The following PLPPR1 variants were observed in gnomAD, a reference collection of about 807,000 sequenced individuals.
The protein encoded by PLPPR1 is phospholipid phosphatase-related protein type 1.
In PLPPR1, 10 loss-of-function variants were observed where a neutral mutation model predicts 33.1. The observed-to-expected ratio is 0.30, with a 90% CI of 0.19 to 0.51. The LOEUF (loss-of-function observed/expected upper bound fraction) is 0.51, where lower values mean the gene tolerates loss of function less well. PLPPR1 is among the 20% of genes least tolerant of loss of function. PLPPR1 has a pLI of 0.97. For missense variants in PLPPR1, 304 were observed against 408.1 expected, an observed-to-expected ratio of 0.74 and a Z score of 2.20; for synonymous variants, 151 against 151.0, an observed-to-expected ratio of 1.00 and a Z score of 0.00.
At chr9:101,165,403 G>A (rs1180069964) in intron 1 of PLPPR1, among the ~76,000 whole-genome samples, 1 of 152,164 alleles carries the variant, frequency 6.6e-6, no homozygotes, top group Non-Finnish European at 1.5e-5. Flanking sequence ...AAGGCTTCAT[G>A]GCAGGGGTAG....
chr9:101,116,038 C>G (rs1450809207), intron 1 of PLPPR1, among the ~76,000 whole-genome samples: 2 of 152,194 alleles, frequency 1.3e-5, no homozygotes, highest in African/African-American at 4.8e-5. Context: ...TCAAGATTCT[C>G]TAGGAATTAA....
intron 2 of PLPPR1, among the ~76,000 whole-genome samples, chr9:101,264,275 C>T (rs1376596789): frequency 6.6e-6 from 1 of 152,164 alleles, no homozygotes; most frequent in Non-Finnish European, 1.5e-5. Context: ...TGATGTCATA[C>T]TCCCTCTGCC....
intron 1 of PLPPR1, among the ~76,000 whole-genome samples, chr9:101,164,221 G>A (rs926895214): frequency 2.0e-5 from 3 of 152,196 alleles, no homozygotes; most frequent in East Asian, 3.8e-4. Flanking sequence ...CTTATCAGCT[G>A]TGTGAACCTG....
chr9:101,324,388 A>T lies in PLPPR1; in HGVS notation c.*331A>T. ...ATTTTCTTTTCTCAGTTTTATAAAC[A>T]CAGAATATAACAATTCACTTTAAAC... On this transcript the variant is annotated 3_prime_UTR_variant, in exon 8 of 8. Transcript: ENST00000374874. 5.0e-6 allele frequency: 1 copy of T among 198,112 alleles called. No homozygotes were observed. Among genetic ancestry groups the T allele is most frequent in the Non-Finnish European group, 9.1e-6 (1 of 110,280 alleles). The allele number at this position is 198,112 out of a possible 1,614,324, so 12.3% of individuals were successfully genotyped here.
In PLPPR1 at chr9:101,228,044, G is replaced by A. The variant is rs553141190; in HGVS notation, c.64-41836G>A. On this transcript the variant is annotated intron_variant, in intron 2 of 7. Coordinates refer to ENST00000374874, the MANE Select transcript of PLPPR1 (RefSeq NM_207299.2). ...TCCACCCACCTTGGCCTCCCAAAGT[G>A]CTGGGATTACAGACACAAACCACTG... 6.4e-4 allele frequency among the ~76,000 whole-genome samples: 98 copies of A among 152,288 alleles called. 1 individual carries two copies. Among genetic ancestry groups the A allele is most frequent in the African/African-American group, 2.2e-3 (92 of 41,562 alleles).
rs559208028 is a variant in PLPPR1, at chr9:101,034,071, T to C, written c.-46+4969T>C. Among the ~76,000 whole-genome samples, 208 of 151,688 alleles carry C rather than the reference T, an allele frequency of 1.4e-3. 1 individual carries two copies. Among genetic ancestry groups the C allele is most frequent in the Middle Eastern group, 0.01 (3 of 288 alleles). On this transcript the variant is annotated intron_variant, in intron 1 of 7. Coordinates refer to ENST00000374874, the MANE Select transcript of PLPPR1 (RefSeq NM_207299.2). ...GAGGAAAAAAAAAACGTGCAATGCG[T>C]AACTATCAGTCACTTATGAAGTCTA...
intron 1 of PLPPR1, among the ~76,000 whole-genome samples, chr9:101,060,254 G>A (rs551333584): frequency 2.6e-5 from 4 of 152,124 alleles, no homozygotes; most frequent in African/African-American, 9.6e-5. Flanking sequence ...TCACTTATAC[G>A]TGGAGTGTCA....
At chr9:101,198,797 G>A (rs935506061) in intron 2 of PLPPR1, among the ~76,000 whole-genome samples, 9 of 152,192 alleles carry the variant, frequency 5.9e-5, no homozygotes, top group African/African-American at 2.2e-4. Context: ...ACCTATAAAG[G>A]TACTGAGAAT....
intron 5 of PLPPR1, among the ~76,000 whole-genome samples, 173 bp from the exon 6 acceptor site, chr9:101,312,625 C>A (rs972515667): frequency 6.6e-6 from 1 of 151,952 alleles, no homozygotes; most frequent in African/African-American, 2.4e-5. Context: ...GATTTCCTAC[C>A]TAAATAATTT....
intron 2 of PLPPR1, among the ~76,000 whole-genome samples, chr9:101,243,150 A>G (rs1478308666): frequency 6.6e-6 from 1 of 152,026 alleles, no homozygotes; most frequent in Admixed American, 6.6e-5. Context: ...TGTATGATTC[A>G]TCAATTGGAT....
chr9:101,151,408 A>C (rs1831583987), intron 1 of PLPPR1, among the ~76,000 whole-genome samples: 1 of 152,234 alleles, frequency 6.6e-6, no homozygotes, highest in South Asian at 2.1e-4. Flanking sequence ...TTTGGCTTCA[A>C]ATATTTGTAC....
At chr9:101,219,625 A>C (rs918939739) in intron 2 of PLPPR1, among the ~76,000 whole-genome samples, 6 of 152,208 alleles carry the variant, frequency 3.9e-5, no homozygotes, top group Non-Finnish European at 7.3e-5. Flanking sequence ...TGTGGTATCA[A>C]ATTCTCAACA....
intron 2 of PLPPR1, among the ~76,000 whole-genome samples, chr9:101,260,187 C>T (rs776781643): frequency 6.6e-6 from 1 of 152,084 alleles, no homozygotes; most frequent in Non-Finnish European, 1.5e-5. Context: ...CTCCAAATAC[C>T]ATCACATTGG....
At chr9:101,137,573 T>G (rs1831392331) in intron 1 of PLPPR1, among the ~76,000 whole-genome samples, 1 of 152,130 alleles carries the variant, frequency 6.6e-6, no homozygotes, top group Non-Finnish European at 1.5e-5. Flanking sequence ...AGTAGGCTGC[T>G]TTTTAGCTTT....
At chr9:101,233,152 A>C (rs2118824724) in intron 2 of PLPPR1, among the ~76,000 whole-genome samples, 1 of 152,164 alleles carries the variant, frequency 6.6e-6, no homozygotes, top group African/African-American at 2.4e-5. Flanking sequence ...CTGAAATGTA[A>C]CTGCTACTCA....
chr9:101,151,955 T>C (rs1831592943), intron 1 of PLPPR1, among the ~76,000 whole-genome samples: 1 of 152,202 alleles, frequency 6.6e-6, no homozygotes, highest in South Asian at 2.1e-4. Context: ...TAGTTCTAGA[T>C]CCTTGAGGAA....
intron 1 of PLPPR1, among the ~76,000 whole-genome samples, chr9:101,134,180 T>G (rs1245167762): frequency 5.9e-5 from 9 of 152,198 alleles, no homozygotes. Flanking sequence ...TGCTAATAGT[T>G]TCTGCCAGCC....
At chr9:101,244,369 T>G (rs1384873666) in intron 2 of PLPPR1, among the ~76,000 whole-genome samples, 1 of 152,036 alleles carries the variant, frequency 6.6e-6, no homozygotes, top group Non-Finnish European at 1.5e-5. Context: ...AGATTCAAGA[T>G]TCAGAAAGAC....
chr9:101,317,290 G>A lies in PLPPR1; in HGVS notation c.814-75G>A, dbSNP rs147070155. ...CTGGTGATGATATTCAAGGGGAAAG[G>A]CCTGCCACCCTCACAGATGCCAGGC... On this transcript the variant is annotated intron_variant, in intron 6 of 7. Coordinates refer to ENST00000374874, the MANE Select transcript of PLPPR1 (RefSeq NM_207299.2). 2.3e-4 allele frequency: 348 copies of A among 1,501,646 alleles called. 1 individual carries two copies. The African/African-American group carries it at 4.3e-3, about 18-fold the overall frequency. 93.0% of individuals were successfully genotyped at this position (1,501,646 alleles called of 1,614,324 possible).
Sources: allele counts gnomAD v4.1 joint callset (sites outside exome capture counted in the v4.1 genomes callset), GRCh38; gene constraint gnomAD v4.1.1; transcripts MANE v1.5; gene names NCBI Gene and HGNC (gene_info 2026-07-23, HGNC 2026-07-21).